DCHS2: variants seen among roughly 807,000 people sequenced by gnomAD.
DCHS2 encodes protocadherin-23.
Under a neutral mutation model 182.4 loss-of-function variants are expected in DCHS2, and 142 were observed. That is an observed-to-expected ratio of 0.78 (90% CI 0.68 to 0.89). DCHS2 has a LOEUF of 0.89. DCHS2 is among the 40% of genes least tolerant of loss of function. The pLI is 0.00. For missense variants in DCHS2, 4,319 were observed against 4,198.6 expected (o/e 1.03, Z -0.79); for synonymous variants, 1,740 against 1,663.3 (o/e 1.05, Z -1.12).
intron 1 of DCHS2, among the ~76,000 whole-genome samples, chr4:154,464,075 T>C (rs772678410): frequency 7.9e-5 from 12 of 152,078 alleles, no homozygotes; most frequent in Admixed American, 6.6e-5. Flanking sequence ...TTAATGCCCA[T>C]GTATTGTTGG....
intron 2 of DCHS2, among the ~76,000 whole-genome samples, chr4:154,372,857 A>G (rs1730706170): frequency 1.3e-5 from 2 of 152,204 alleles, no homozygotes; most frequent in Admixed American, 1.3e-4. Flanking sequence ...TTGAAAAAAT[A>G]TTGACAGTCT....
chr4:154,325,495 T>A (rs546465060), intron 7 of DCHS2, among the ~76,000 whole-genome samples: 17 of 152,212 alleles, frequency 1.1e-4, no homozygotes, highest in African/African-American at 4.1e-4. Context: ...GATTCTTGAA[T>A]GCATACCTGC....
At position 154,297,860 on chromosome 4, in the gene DCHS2, A is replaced by G; in HGVS notation, c.6454T>C (p.Cys2152Arg). ...TTGAAGGGACACTCACCTGCCTCAC[A>G]ATTTTCAGTCACGAGCCCTTTATAC... is the stretch of plus-strand genomic sequence containing the variant. The part of the protein sequence containing the change: ...HLYKGLVTEN[C>R]EAGTSIVTVK... The change falls in exon 13 of 20, where the codon TGT becomes CGT. Residue 2152 changes from cysteine to arginine, a missense_variant. Coordinates refer to ENST00000357232, the MANE Select transcript of DCHS2 (RefSeq NM_001358235.2). The G allele has an allele frequency of 6.2e-7, 1 of 1,605,962 alleles. No homozygotes were observed. The highest frequency in any genetic ancestry group is 1.7e-5 in the Admixed American group (1 of 58,648).
At position 154,298,238 on chromosome 4, in the gene DCHS2, C is replaced by G; in HGVS notation, c.6076G>C (p.Val2026Leu). 1.2e-6 allele frequency: 2 copies of G among 1,614,104 alleles called. No individual in the cohort carries two copies. Among genetic ancestry groups the G allele is most frequent in the Non-Finnish European group, 1.7e-6 (2 of 1,180,008 alleles). ...TTGTCATTAACATCAGTGACATATACTTTTATAATTACAGTGGTGCTTCGT... is the reference window on the plus strand; with the variant it reads ...TTGTCATTAACATCAGTGACATATAGTTTTATAATTACAGTGGTGCTTCGT... ...GSRSTTVIIK[V>L]YVTDVNDNDP... Residue 2026 changes from valine to leucine, a missense_variant, in exon 13 of 20, where the codon GTA becomes CTA. By Grantham distance (32) the Val-to-Leu change is conservative. Transcript: ENST00000357232.
At chr4:154,438,438 C>A (rs999157000) in intron 1 of DCHS2, among the ~76,000 whole-genome samples, 1 of 152,138 alleles carries the variant, frequency 6.6e-6, no homozygotes, top group African/African-American at 2.4e-5. Context: ...TTTAGGGTAG[C>A]TTTAATATCT....
At chr4:154,298,744 G>A in intron 12 of DCHS2, 36 bp from the exon 13 acceptor site, 1 of 1,525,558 alleles carries the variant, frequency 6.6e-7, no homozygotes, top group Non-Finnish European at 8.8e-7. Context: ...CATTTGAATT[G>A]AAAAAGTAGC....
chr4:154,319,091 G>T (rs568968270), intron 9 of DCHS2, among the ~76,000 whole-genome samples: 1 of 152,026 alleles, frequency 6.6e-6, no homozygotes, highest in African/African-American at 2.4e-5. Flanking sequence ...CTACACTTTC[G>T]AAAAAGGCTA....
intron 1 of DCHS2, among the ~76,000 whole-genome samples, chr4:154,442,113 G>C (rs1228638775): frequency 6.6e-6 from 1 of 152,014 alleles, no homozygotes; most frequent in African/African-American, 2.4e-5. Context: ...GTTACCGCTG[G>C]TGACAAAATT....
intron 1 of DCHS2, among the ~76,000 whole-genome samples, chr4:154,432,889 G>A (rs542488083): frequency 6.6e-6 from 1 of 152,162 alleles, no homozygotes; most frequent in African/African-American, 2.4e-5. Flanking sequence ...CATTTTACAG[G>A]GCCTTCAGCT....
At position 154,461,357 on chromosome 4, in the gene DCHS2, A is replaced by T. The variant is rs569590256; in HGVS notation, c.2052+27947T>A. ...ATAAAGCTGATGGATATAGCTTTTTAAAAAAATAATAAAACATAGTTCTGA... is the reference window on the plus strand; with the variant it reads ...ATAAAGCTGATGGATATAGCTTTTTTAAAAAATAATAAAACATAGTTCTGA... On this transcript the variant is annotated intron_variant, in intron 1 of 19. Coordinates refer to ENST00000357232, the MANE Select transcript of DCHS2 (RefSeq NM_001358235.2). 9.8e-5 allele frequency among the ~76,000 whole-genome samples: 15 copies of T among 152,330 alleles called. No homozygotes were observed. In the South Asian group the frequency reaches 1.4e-3, roughly 15 times the overall value.
At chr4:154,405,602 A>C (rs1203383249) in intron 1 of DCHS2, among the ~76,000 whole-genome samples, 3 of 152,130 alleles carry the variant, frequency 2.0e-5, no homozygotes, top group Non-Finnish European at 4.4e-5. Flanking sequence ...TTCATTCTAC[A>C]GATTAGACTT....
intron 1 of DCHS2, among the ~76,000 whole-genome samples, chr4:154,385,172 C>A (rs554524851): frequency 1.4e-5 from 2 of 148,048 alleles, no homozygotes; most frequent in Non-Finnish European, 3.0e-5. Flanking sequence ...GAACATGCGG[C>A]GTTTGGTTTT....
At chr4:154,326,534 G>C (rs185272782) in intron 7 of DCHS2, among the ~76,000 whole-genome samples, 2 of 152,162 alleles carry the variant, frequency 1.3e-5, no homozygotes, top group East Asian at 1.9e-4. Context: ...TATATAACCA[G>C]TCTCATATTT....
At position 154,255,535 on chromosome 4, in the gene DCHS2, G is replaced by A. The variant is rs1244563169; in HGVS notation, c.6925C>T (p.Leu2309Phe). 5 of 1,613,542 alleles carry A rather than the reference G, an allele frequency of 3.1e-6. No homozygotes were observed. Among genetic ancestry groups the A allele is most frequent in the Non-Finnish European group, 4.2e-6 (5 of 1,179,766 alleles). ...TGGACCAACCTGTAGGAGCTGGTGA[G>A]CTCGTAATCTAGAATCGCTTTTGTT... Reference protein sequence around the residue: ...ITTKAILDYELTSSYSLIVQA... With the variant: ...ITTKAILDYEFTSSYSLIVQA... Residue 2309 changes from leucine to phenylalanine, a missense_variant, in exon 16 of 20, where the codon CTC becomes TTC. Coordinates refer to ENST00000357232, the MANE Select transcript of DCHS2 (RefSeq NM_001358235.2).
rs1267014801 is a variant in DCHS2, at chr4:154,236,227, C to T, written c.8425G>A (p.Val2809Ile). 1.2e-6 allele frequency: 2 copies of T among 1,613,906 alleles called. No individual in the cohort carries two copies. The highest frequency in any genetic ancestry group is 1.7e-5 in the Admixed American group (1 of 60,002). ...GPYGELTYSI[V>I]SPCFLTHGMS... ...CCATGAGTGAGAAAACAGGGTGATACAATAGAATAGGTCAATTCTCCATAC... is the reference window on the plus strand; with the variant it reads ...CCATGAGTGAGAAAACAGGGTGATATAATAGAATAGGTCAATTCTCCATAC... The change falls in exon 20 of 20, where the codon GTA (valine) becomes ATA (isoleucine). Residue 2809 changes from valine (V) to isoleucine (I), a missense_variant. Val to Ile is a conservative substitution (Grantham distance 29, BLOSUM62 3). Coordinates refer to ENST00000357232, the MANE Select transcript of DCHS2 (RefSeq NM_001358235.2).
At chr4:154,371,688 T>C (rs1730654174) in intron 2 of DCHS2, among the ~76,000 whole-genome samples, 1 of 152,100 alleles carries the variant, frequency 6.6e-6, no homozygotes, top group Non-Finnish European at 1.5e-5. Context: ...TGGGAAGGCC[T>C]CAGGAAGCTT....
At chr4:154,378,004 T>C (rs1730991312) in intron 1 of DCHS2, among the ~76,000 whole-genome samples, 1 of 152,106 alleles carries the variant, frequency 6.6e-6, no homozygotes, top group Admixed American at 6.6e-5. Flanking sequence ...CAGCTTTCCT[T>C]CTGGGAGTAA....
chr4:154,401,584 A>T (rs1267410720), intron 1 of DCHS2, among the ~76,000 whole-genome samples: 1 of 152,120 alleles, frequency 6.6e-6, no homozygotes, highest in African/African-American at 2.4e-5. Flanking sequence ...TGATGAGCAA[A>T]TTTTTTAAAT....
At chr4:154,326,551 G>C (rs189001382) in intron 7 of DCHS2, among the ~76,000 whole-genome samples, 23 of 151,898 alleles carry the variant, frequency 1.5e-4, no homozygotes, top group Non-Finnish European at 2.4e-4. Flanking sequence ...ATTTTCTTTT[G>C]TAAGAGTTAA....
Sources: allele counts gnomAD v4.1 joint callset (sites outside exome capture counted in the v4.1 genomes callset), GRCh38; gene constraint gnomAD v4.1.1; transcripts MANE v1.5; gene names NCBI Gene and HGNC (gene_info 2026-07-23, HGNC 2026-07-21).